ZDHHC9: variants seen among roughly 807,000 people sequenced by gnomAD.
The protein encoded by ZDHHC9 is zDHHC palmitoyltransferase 9, also known as palmitoyltransferase ZDHHC9.
ZDHHC9 carries 3 observed loss-of-function variants against 26.6 expected under a neutral mutation model. The ratio of observed to expected loss-of-function variants is 0.11; its 90% CI spans 0.05 to 0.29. The LOEUF (loss-of-function observed/expected upper bound fraction) is 0.29. Among genes scored for constraint, ZDHHC9 ranks in the 10% least tolerant of loss-of-function variants. The probability of loss-of-function intolerance (pLI) is 1.00; values close to 1 mark genes in which losing one functional copy is unlikely to be tolerated. For missense variants in ZDHHC9, 146 were observed against 296.4 expected (o/e 0.49, Z 3.73); for synonymous variants, 111 against 109.4 (o/e 1.01, Z -0.09).
intron 8 of ZDHHC9, among the ~76,000 whole-genome samples, chrX:129,812,026 T>G (rs1013355686): frequency 1.8e-5 from 2 of 111,421 alleles, no homozygotes; most frequent in Non-Finnish European, 3.8e-5. Context: ...AACTTACTTT[T>G]TTCTTTTTGC....
intron 2 of ZDHHC9, among the ~76,000 whole-genome samples, chrX:129,843,021 C>T (rs1771608): frequency 0.12 from 13,477 of 112,113 alleles, 1,443 homozygotes; most frequent in East Asian, 0.38. Flanking sequence ...CCTTCTCCTC[C>T]GCTCAGGTGT....
At position 129,805,181 on chromosome X, in the gene ZDHHC9, G is replaced by C. The variant is rs1182862297; in HGVS notation, c.*1189C>G. 18 of 112,828 alleles carry C rather than the reference G, an allele frequency of 1.6e-4. No homozygotes were observed. Among genetic ancestry groups the C allele is most frequent in the Non-Finnish European group, 1.9e-5 (1 of 53,309 alleles). 9.3% of individuals were successfully genotyped at this position (112,828 alleles called of 1,213,427 possible). A position where few individuals can be genotyped will look rare whatever the true frequency, so the allele number is the denominator to read the frequency against. On this transcript the variant is annotated 3_prime_UTR_variant, in exon 11 of 11. Transcript: ENST00000357166. Reference sequence around the variant, plus strand: ...TGGCTCTGGGACTCTGCCGGTGGAAGTGCTGGAAGAGCGGGGCTTGGAGGA... The same window carrying C: ...TGGCTCTGGGACTCTGCCGGTGGAACTGCTGGAAGAGCGGGGCTTGGAGGA...
In ZDHHC9 at chrX:129,811,520, A is replaced by C. The variant is rs1770619879; in HGVS notation, c.778-11T>G. On this transcript the variant is annotated splice_polypyrimidine_tract_variant and intron_variant, in intron 8 of 10. Coordinates refer to ENST00000357166, the MANE Select transcript of ZDHHC9 (RefSeq NM_016032.4). ...CCATGATCCTTTGATCTGCAAGATA[A>C]AAACCAAGGCTGACATTAAAAATAA... 3.5e-6 allele frequency: 4 copies of C among 1,149,686 alleles called. No homozygotes were observed. Among genetic ancestry groups the C allele is most frequent in the Non-Finnish European group, 4.7e-6 (4 of 842,437 alleles). 94.7% of individuals were successfully genotyped at this position (1,149,686 alleles called of 1,213,427 possible). A position where few individuals can be genotyped will look rare whatever the true frequency, so the allele number is the denominator to read the frequency against.
At chrX:129,841,715 A>G in intron 3 of ZDHHC9, 64 bp downstream of exon 3, 2 of 1,193,047 alleles carry the variant, frequency 1.7e-6, no homozygotes, top group East Asian at 5.9e-5. Context: ...CTCCCCAGAA[A>G]GCAGGTTCTT....
chrX:129,803,801 T>G lies in ZDHHC9; in HGVS notation c.*2569A>C, dbSNP rs1474616875. ...GGGAAAGTAGGGTGCATAGGAAGCT[T>G]GAGGAAGAAGGAGGAAGGGGAGAGT... On this transcript the variant is annotated 3_prime_UTR_variant, in exon 11 of 11. Coordinates refer to ENST00000357166, the MANE Select transcript of ZDHHC9 (RefSeq NM_016032.4). 1 of 111,306 alleles carries G rather than the reference T, an allele frequency of 9.0e-6. No homozygotes were observed. The highest frequency in any genetic ancestry group is 3.3e-5 in the African/African-American group (1 of 30,558). 9.2% of individuals were successfully genotyped at this position (111,306 alleles called of 1,213,427 possible). A position where few individuals can be genotyped will look rare whatever the true frequency, so the allele number is the denominator to read the frequency against.
At chrX:129,807,270 C>G (rs894246792) in intron 10 of ZDHHC9, among the ~76,000 whole-genome samples, 4 of 105,819 alleles carry the variant, frequency 3.8e-5, no homozygotes, top group Admixed American at 1.0e-4. Flanking sequence ...CAAGGTGAAA[C>G]CCCGTCTCTA....
At chrX:129,827,924 C>T (rs144296074) in intron 4 of ZDHHC9, among the ~76,000 whole-genome samples, 1,921 of 112,123 alleles carry the variant, frequency 0.017, 17 homozygotes, top group Non-Finnish European at 0.028. Flanking sequence ...TCAAGCGATT[C>T]TCGTGCCTCA....
chrX:129,833,876 T>C (rs1397291578), intron 3 of ZDHHC9, among the ~76,000 whole-genome samples: 2 of 111,643 alleles, frequency 1.8e-5, no homozygotes, highest in African/African-American at 6.5e-5. Flanking sequence ...CAGAGCCCCA[T>C]GATACTCTTT....
chrX:129,814,577 A>G, intron 6 of ZDHHC9, 81 bp downstream of exon 6: 3 of 1,177,386 alleles, frequency 2.5e-6, no homozygotes, highest in Non-Finnish European at 2.3e-6. Flanking sequence ...CCACCAGGAA[A>G]CCCAACAACC....
At chrX:129,839,541 G>A (rs141949536) in intron 3 of ZDHHC9, among the ~76,000 whole-genome samples, 79 of 111,173 alleles carry the variant, frequency 7.1e-4, no homozygotes, top group African/African-American at 2.3e-3. Context: ...CCCACATTCT[G>A]CTCCCCAAAC....
intron 9 of ZDHHC9, 56 bp downstream of exon 9, chrX:129,811,350 G>A (rs1242853540): frequency 9.8e-7 from 1 of 1,019,385 alleles, no homozygotes; most frequent in Non-Finnish European, 1.4e-6. Flanking sequence ...AAGGTAACAG[G>A]ATCAGGTTGA....
chrX:129,808,159 G>A (rs1927562835), intron 10 of ZDHHC9, among the ~76,000 whole-genome samples: 1 of 111,709 alleles, frequency 9.0e-6, no homozygotes, highest in Admixed American at 9.5e-5. Flanking sequence ...TTGATCTATA[G>A]ATTCAATGAA....
intron 3 of ZDHHC9, among the ~76,000 whole-genome samples, chrX:129,832,737 C>G (rs1928171125): frequency 9.1e-6 from 1 of 109,976 alleles, no homozygotes; most frequent in African/African-American, 3.3e-5. Flanking sequence ...GAGCGGAGAT[C>G]GTGCCACTGC....
At chrX:129,838,215 C>T (rs1928301825) in intron 3 of ZDHHC9, among the ~76,000 whole-genome samples, 1 of 112,523 alleles carries the variant, frequency 8.9e-6, no homozygotes, top group Non-Finnish European at 1.9e-5. Context: ...TAGCAACCTA[C>T]TGGTAATCTA....
intron 5 of ZDHHC9, 58 bp downstream of exon 5, chrX:129,823,621 T>G: frequency 8.3e-7 from 1 of 1,197,777 alleles, no homozygotes; most frequent in Non-Finnish European, 1.1e-6. Flanking sequence ...GTGACCACCC[T>G]GACTTTCTAG....
At chrX:129,808,157 T>C (rs1182971914) in intron 10 of ZDHHC9, among the ~76,000 whole-genome samples, 1 of 112,052 alleles carries the variant, frequency 8.9e-6, no homozygotes, top group Non-Finnish European at 1.9e-5. Flanking sequence ...AATTGATCTA[T>C]AGATTCAATG....
chrX:129,816,647 A>G (rs1288272710), intron 5 of ZDHHC9, among the ~76,000 whole-genome samples: 1 of 111,657 alleles, frequency 9.0e-6, no homozygotes, highest in East Asian at 2.8e-4. Context: ...GCCTATCAAA[A>G]TAAGAATATA....
chrX:129,843,002 C>A (rs1467391521), intron 2 of ZDHHC9, among the ~76,000 whole-genome samples: 2 of 112,483 alleles, frequency 1.8e-5, no homozygotes, highest in Non-Finnish European at 3.8e-5. Flanking sequence ...GTTTCTCAGC[C>A]TCTGCTACCC....
intron 3 of ZDHHC9, among the ~76,000 whole-genome samples, chrX:129,836,577 G>A (rs925287757): frequency 8.9e-6 from 1 of 112,119 alleles, no homozygotes; most frequent in Non-Finnish European, 1.9e-5. Context: ...GAGCCACTGC[G>A]CCCAGCCCAC....
Sources: allele counts gnomAD v4.1 joint callset (sites outside exome capture counted in the v4.1 genomes callset), GRCh38; gene constraint gnomAD v4.1.1; transcripts MANE v1.5; gene names NCBI Gene and HGNC (gene_info 2026-07-23, HGNC 2026-07-21).